CSMD1: variants seen among roughly 807,000 people sequenced by gnomAD.
CSMD1 encodes CUB and sushi domain-containing protein 1.
A neutral mutation model predicts 417.5 loss-of-function variants in CSMD1; 213 were observed. The ratio of observed to expected loss-of-function variants is 0.51; its 90% CI spans 0.46 to 0.57. The LOEUF is 0.57. CSMD1 is among the 20% of genes least tolerant of loss of function. The pLI is 0.00. For missense variants in CSMD1, 6,923 were observed against 4,529.7 expected (o/e 1.53, Z -15.17); for synonymous variants, 2,862 against 1,736.8 (o/e 1.65, Z -16.11).
rs182316548 is a variant in CSMD1, at chr8:3,656,583, C to T, written c.1010-39786G>A. Among the ~76,000 whole-genome samples, 310 of 152,220 alleles carry T rather than the reference C, an allele frequency of 2.0e-3. 2 individuals are homozygous for T. The highest frequency in any genetic ancestry group is 6.5e-3 in the African/African-American group (269 of 41,544). On this transcript the variant is annotated intron_variant, in intron 7 of 69. Transcript: ENST00000635120. ...ATGAGATGGGAGAGGAGTTTTCTTACGAAGCCCTTTACTCTCCTTTCTTCC... is the reference window on the plus strand; with the variant it reads ...ATGAGATGGGAGAGGAGTTTTCTTATGAAGCCCTTTACTCTCCTTTCTTCC...
intron 7 of CSMD1, among the ~76,000 whole-genome samples, chr8:3,683,708 C>T (rs73183355): frequency 0.14 from 21,707 of 152,162 alleles, 1,743 homozygotes; most frequent in South Asian, 0.21. Context: ...GAAAGAGGCT[C>T]AAGCTCCTAC....
At chr8:4,272,842 T>TA (rs1804692132) in intron 3 of CSMD1, among the ~76,000 whole-genome samples, 1 of 152,170 alleles carries the variant, frequency 6.6e-6, no homozygotes. Flanking sequence ...TCTTGATGAA[T>TA]AAGTCTCGAC....
intron 41 of CSMD1, among the ~76,000 whole-genome samples, chr8:3,136,030 T>G (rs1818059636): frequency 6.6e-6 from 1 of 152,084 alleles, no homozygotes; most frequent in Non-Finnish European, 1.5e-5. Context: ...TAAACTAGTT[T>G]CATTCAGATT....
At chr8:4,531,554 T>G (rs1303383340) in intron 2 of CSMD1, among the ~76,000 whole-genome samples, 1 of 152,178 alleles carries the variant, frequency 6.6e-6, no homozygotes, top group African/African-American at 2.4e-5. Flanking sequence ...TAACTACATG[T>G]TAAAGTGTTT....
chr8:3,569,598 C>T (rs867280429), intron 10 of CSMD1, among the ~76,000 whole-genome samples: 2 of 152,200 alleles, frequency 1.3e-5, no homozygotes, highest in Non-Finnish European at 2.9e-5. Flanking sequence ...TTCACTGATG[C>T]TTCTGGCAAG....
At chr8:4,596,651 T>A (rs576598562) in intron 2 of CSMD1, among the ~76,000 whole-genome samples, 1 of 152,214 alleles carries the variant, frequency 6.6e-6, no homozygotes, top group Non-Finnish European at 1.5e-5. Context: ...TTATTTCCTT[T>A]TAATAGTACG....
intron 5 of CSMD1, among the ~76,000 whole-genome samples, chr8:3,767,980 T>C (rs572138025): frequency 2.6e-5 from 4 of 152,368 alleles, no homozygotes; most frequent in African/African-American, 9.6e-5. Context: ...AACTTTTAAA[T>C]ATTTCATATG....
chr8:3,765,175 C>A (rs1798201998), intron 5 of CSMD1, among the ~76,000 whole-genome samples: 2 of 152,170 alleles, frequency 1.3e-5, no homozygotes, highest in African/African-American at 4.8e-5. Flanking sequence ...TTATCACGCC[C>A]TTTCGTGAAC....
chr8:3,921,022 C>T (rs776469885), intron 5 of CSMD1, among the ~76,000 whole-genome samples: 22 of 151,994 alleles, frequency 1.4e-4, no homozygotes, highest in Non-Finnish European at 2.2e-4. Flanking sequence ...TTCAGGTTTC[C>T]GAAAGAGTTT....
At chr8:4,440,467 A>G (rs932262991) in intron 2 of CSMD1, among the ~76,000 whole-genome samples, 2 of 152,022 alleles carry the variant, frequency 1.3e-5, no homozygotes, top group African/African-American at 4.8e-5. Context: ...GTTACTCACA[A>G]AAAAAAATCT....
chr8:4,943,944 A>G (rs1808198851), intron 1 of CSMD1, among the ~76,000 whole-genome samples: 1 of 152,216 alleles, frequency 6.6e-6, no homozygotes, highest in Non-Finnish European at 1.5e-5. Context: ...TTATGGAAAG[A>G]CAGAAAATGT....
chr8:4,459,164 G>C (rs944110260), intron 2 of CSMD1, among the ~76,000 whole-genome samples: 2 of 152,200 alleles, frequency 1.3e-5, no homozygotes, highest in Non-Finnish European at 2.9e-5. Context: ...ATAGGCAAAG[G>C]ATAAACTGCA....
intron 11 of CSMD1, among the ~76,000 whole-genome samples, chr8:3,486,521 A>AT (rs1818043865): frequency 2.0e-5 from 3 of 152,194 alleles, no homozygotes; most frequent in South Asian, 2.1e-4. Context: ...ACAGGCATGC[A>AT]TTTTTTGGCT....
At chr8:4,530,714 A>C (rs924433140) in intron 2 of CSMD1, among the ~76,000 whole-genome samples, 1 of 149,884 alleles carries the variant, frequency 6.7e-6, no homozygotes, top group African/African-American at 2.5e-5. Flanking sequence ...CATGGTGTAT[A>C]TGTGCCACAT....
In CSMD1 at chr8:3,746,070, G is replaced by A. The variant is rs536404493; in HGVS notation, c.931+7860C>T. On this transcript the variant is annotated intron_variant, in intron 6 of 69. Transcript: ENST00000635120. ...ACCGCTACCTACAAGAGGTACACAC[G>A]GACATTTAGCAAATAAACATGAAAC... is the stretch of plus-strand genomic sequence containing the variant. Among the ~76,000 whole-genome samples the A allele has an allele frequency of 1.3e-4, 20 of 150,504 alleles. No homozygotes were observed. The East Asian group carries it at 3.3e-3, about 25-fold the overall frequency.
At chr8:4,796,528 C>T (rs1393427774) in intron 1 of CSMD1, among the ~76,000 whole-genome samples, 2 of 151,628 alleles carry the variant, frequency 1.3e-5, no homozygotes, top group Non-Finnish European at 1.5e-5. Flanking sequence ...GGGAGCCATC[C>T]CTCAGACACG....
intron 27 of CSMD1, among the ~76,000 whole-genome samples, chr8:3,227,489 G>T (rs892103468): frequency 2.6e-5 from 4 of 152,128 alleles, no homozygotes; most frequent in Admixed American, 2.6e-4. Flanking sequence ...GATTTATTTT[G>T]CAACATGAGT....
chr8:3,570,275 G>C (rs576086872), intron 10 of CSMD1, among the ~76,000 whole-genome samples: 1 of 152,208 alleles, frequency 6.6e-6, no homozygotes, highest in Non-Finnish European at 1.5e-5. Context: ...TTTCCTTGGT[G>C]TCTGGCTTGC....
In CSMD1 at chr8:3,284,187, G is replaced by C. The variant is rs1197988348; in HGVS notation, c.4110C>G (p.Ser1370Arg). 6.3e-7 allele frequency: 1 copy of C among 1,596,566 alleles called. No individual in the cohort carries two copies. The highest frequency in any genetic ancestry group is 1.1e-5 in the South Asian group (1 of 88,472). ...TFNSLTLQFD[S>R]DFFISKSGFS... ...AGCCAGACTTGCTGATGAAGAAGTC[G>C]CTGTCGAACTGCAGGGTGAGTGAGT... The change falls in exon 26 of 70, where the codon AGC (serine) becomes AGG (arginine). Residue 1370 changes from serine (S) to arginine (R), a missense_variant. By Grantham distance (110) the Ser-to-Arg change is moderately radical. Transcript: ENST00000635120.
Sources: allele counts gnomAD v4.1 joint callset (sites outside exome capture counted in the v4.1 genomes callset), GRCh38; gene constraint gnomAD v4.1.1; transcripts MANE v1.5; gene names NCBI Gene and HGNC (gene_info 2026-07-23, HGNC 2026-07-21).